Variants in FBLN2 observed in about 807,000 individuals in gnomAD.
The protein encoded by FBLN2 is fibulin 2.
FBLN2 carries 81 observed loss-of-function variants against 123.7 expected under a neutral mutation model. That is an observed-to-expected ratio of 0.65 (90% confidence interval 0.55 to 0.79). The LOEUF (loss-of-function observed/expected upper bound fraction) is 0.79. Among genes scored for constraint, FBLN2 ranks in the 30% least tolerant of loss-of-function variants. FBLN2 has a pLI of 0.00. For missense variants in FBLN2, 1,603 were observed against 1,681.3 expected, an observed-to-expected ratio of 0.95 and a Z score of 0.81; for synonymous variants, 699 against 701.4, an observed-to-expected ratio of 1.00 and a Z score of 0.05.
chr3:13,628,783 C>A (rs1706138350), intron 11 of FBLN2, 122 bp from the exon 12 acceptor site: 2 of 1,180,020 alleles, frequency 1.7e-6, no homozygotes, highest in Middle Eastern at 2.8e-4. Flanking sequence ...TCTGGCCCTG[C>A]AACTCTGACC....
At chr3:13,625,613 C>T (rs1395353522) in intron 9 of FBLN2, among the ~76,000 whole-genome samples, 1 of 151,960 alleles carries the variant, frequency 6.6e-6, no homozygotes, top group Non-Finnish European at 1.5e-5. Flanking sequence ...AGCTCTGGGC[C>T]CCTCTTCCTG....
chr3:13,617,701 A>ATCCATCCG (rs1705678181), intron 5 of FBLN2, among the ~76,000 whole-genome samples: 1 of 64,716 alleles, frequency 1.5e-5, no homozygotes, highest in African/African-American at 6.7e-5. Context: ...CCATCCATCC[A>ATCCATCCG]TCCATCCATC....
At chr3:13,633,744 G>A (rs1295587972) in intron 16 of FBLN2, among the ~76,000 whole-genome samples, 1 of 152,198 alleles carries the variant, frequency 6.6e-6, no homozygotes, top group Non-Finnish European at 1.5e-5. Flanking sequence ...AAAATCCGAA[G>A]GAATTTAGAC....
At chr3:13,597,460 A>G (rs1390892253) in intron 2 of FBLN2, among the ~76,000 whole-genome samples, 2 of 152,198 alleles carry the variant, frequency 1.3e-5, no homozygotes, top group South Asian at 2.1e-4. Context: ...CCCCCGAACA[A>G]TCTTGCTTCA....
At chr3:13,573,218 C>T (rs1308557166) in intron 2 of FBLN2, among the ~76,000 whole-genome samples, 1 of 152,098 alleles carries the variant, frequency 6.6e-6, no homozygotes, top group Non-Finnish European at 1.5e-5. Flanking sequence ...CCTCTTCTCA[C>T]ACCAGTCAGA....
chr3:13,615,734 G>A (rs1705576594), intron 5 of FBLN2, among the ~76,000 whole-genome samples: 1 of 152,218 alleles, frequency 6.6e-6, no homozygotes, highest in Non-Finnish European at 1.5e-5. Flanking sequence ...GGGAAGATGA[G>A]GCCCAGAGAA....
At chr3:13,550,402 C>T (rs1180352853) in intron 1 of FBLN2, among the ~76,000 whole-genome samples, 1 of 152,250 alleles carries the variant, frequency 6.6e-6, no homozygotes, top group Admixed American at 6.5e-5. Flanking sequence ...TTGCCCATAT[C>T]AGCTTTGCAG....
In FBLN2 at chr3:13,631,453, C is replaced by T. The variant is rs1706255006; in HGVS notation, c.3210C>T (p.Cys1070=). 1.3e-6 allele frequency: 2 copies of T among 1,585,678 alleles called. No individual in the cohort carries two copies. Among genetic ancestry groups the T allele is most frequent in the African/African-American group, 1.3e-5 (1 of 74,462 alleles). Residue 1070 remains cysteine, a synonymous_variant, in exon 16 of 18, where the codon TGC becomes TGT. Coordinates refer to ENST00000404922, the MANE Select transcript of FBLN2 (RefSeq NM_001004019.2). ...GYTMTANGRS[C]KDVDECALGT... Reference sequence around the variant, plus strand: ...CCATGACGGCCAACGGGAGGTCCTGCAAGGGTGAGCAAGTCCCCCCACACG... The same window carrying T: ...CCATGACGGCCAACGGGAGGTCCTGTAAGGGTGAGCAAGTCCCCCCACACG...
chr3:13,633,954 A>AACACACACACACAC (rs56947028), intron 16 of FBLN2, among the ~76,000 whole-genome samples: 11,532 of 112,732 alleles, frequency 0.1, 1,009 homozygotes, highest in Non-Finnish European at 0.12. Context: ...ACACACTGCA[A>AACACACACACACAC]ACACACACAC....
chr3:13,592,285 CA>C (rs1704703047), intron 2 of FBLN2, among the ~76,000 whole-genome samples: 2 of 152,046 alleles, frequency 1.3e-5, no homozygotes, highest in Admixed American at 1.3e-4. Flanking sequence ...CTCAGCCTCC[CA>C]ATGTGCTGAG....
intron 2 of FBLN2, among the ~76,000 whole-genome samples, chr3:13,576,542 AG>A (rs1704150358): frequency 6.6e-6 from 1 of 152,092 alleles, no homozygotes; most frequent in Admixed American, 6.5e-5. Flanking sequence ...GAGCTGGGGG[AG>A]GGGGATGAGT....
intron 8 of FBLN2, 130 bp from the exon 9 acceptor site, chr3:13,621,645 C>T: frequency 2.2e-6 from 2 of 918,796 alleles, no homozygotes; most frequent in Non-Finnish European, 3.3e-6. Flanking sequence ...CAGCTACACA[C>T]AGTCAGGCGG....
intron 9 of FBLN2, 107 bp from the exon 10 acceptor site, chr3:13,626,338 G>T: frequency 1.7e-6 from 2 of 1,191,486 alleles, no homozygotes; most frequent in African/African-American, 1.5e-5. Context: ...GCTCCCTGAG[G>T]GCAGGGCCTG....
chr3:13,576,895 A>T (rs529569532), intron 2 of FBLN2, among the ~76,000 whole-genome samples: 1 of 152,252 alleles, frequency 6.6e-6, no homozygotes, highest in East Asian at 1.9e-4. Context: ...AGTCCATGGG[A>T]ATTATCTGCT....
chr3:13,617,155 CATCCATCCATCCATCCATCCATCT>C (rs1372577568), intron 5 of FBLN2, among the ~76,000 whole-genome samples: 1 of 151,280 alleles, frequency 6.6e-6, no homozygotes, highest in African/African-American at 2.4e-5. Context: ...TCCATCCATC[CATCCATCCATCCATCCATCCATCT>C]ATCCATCCAT....
chr3:13,574,223 C>G lies in FBLN2; in HGVS notation c.1306+2562C>G, dbSNP rs73148628. ...AGATACTCCTGCCCTGCAGAACCTGCGTGTGTGAGGCCCTGAGGAAGGGGC... is the reference window on the plus strand; with the variant it reads ...AGATACTCCTGCCCTGCAGAACCTGGGTGTGTGAGGCCCTGAGGAAGGGGC... On this transcript the variant is annotated intron_variant, in intron 2 of 17. Coordinates refer to ENST00000404922, the MANE Select transcript of FBLN2 (RefSeq NM_001004019.2). 2.0e-5 allele frequency among the ~76,000 whole-genome samples: 3 copies of G among 152,130 alleles called. No individual in the cohort carries two copies. The South Asian group carries it at 6.2e-4, about 31-fold the overall frequency.
chr3:13,605,994 C>G (rs1705190703), intron 2 of FBLN2, among the ~76,000 whole-genome samples: 1 of 152,184 alleles, frequency 6.6e-6, no homozygotes, highest in South Asian at 2.1e-4. Flanking sequence ...TCCATCTCAG[C>G]TCACTGCAAC....
chr3:13,623,489 CT>C (rs1338659395), intron 9 of FBLN2, among the ~76,000 whole-genome samples: 1 of 152,202 alleles, frequency 6.6e-6, no homozygotes, highest in East Asian at 1.9e-4. Flanking sequence ...CCTCTTCATC[CT>C]TCCATGCCCC....
Position 13,614,020 on chromosome 3 carries a change from C to T in FBLN2, c.1585C>T (p.Arg529Trp), listed in dbSNP as rs148310871. 9.3e-6 allele frequency: 15 copies of T among 1,613,092 alleles called. No individual in the cohort carries two copies. The highest frequency in any genetic ancestry group is 4.4e-5 in the South Asian group (4 of 91,062). Residue 529 changes from arginine (R) to tryptophan (W), a missense_variant, in exon 5 of 18, where the codon CGG becomes TGG. Transcript: ENST00000404922. ...CTGCTGTGGCCTGGGCCTCCGCGTGCGGGCCGAGGGCCAGTCGTGTGAGTC... is the reference window on the plus strand; with the variant it reads ...CTGCTGTGGCCTGGGCCTCCGCGTGTGGGCCGAGGGCCAGTCGTGTGAGTC... ...CDCCGLGLRV[R>W]AEGQSCESNP...
Sources: allele counts gnomAD v4.1 joint callset (sites outside exome capture counted in the v4.1 genomes callset), GRCh38; gene constraint gnomAD v4.1.1; transcripts MANE v1.5; gene names NCBI Gene and HGNC (gene_info 2026-07-23, HGNC 2026-07-21).